The following PPARGC1A variants were observed in gnomAD, a reference collection of about 807,000 sequenced individuals.
PPARGC1A encodes the protein peroxisome proliferator-activated receptor gamma coactivator 1-alpha.
A neutral mutation model predicts 88.7 loss-of-function variants in PPARGC1A; 25 were observed. The ratio of observed to expected loss-of-function variants is 0.28; its 90% confidence interval spans 0.21 to 0.39. PPARGC1A has a LOEUF of 0.39. Among genes scored for constraint, PPARGC1A ranks in the 10% least tolerant of loss-of-function variants. The pLI, the probability that PPARGC1A is intolerant of heterozygous loss-of-function variation, is 1.00. For missense variants in PPARGC1A, 880 were observed against 968.7 expected (o/e 0.91, Z 1.22); for synonymous variants, 363 against 355.6 (o/e 1.02, Z -0.24).
the PPARGC1A span, among the ~76,000 whole-genome samples, chr4:24,107,645 A>G: frequency 6.6e-6 from 1 of 152,244 alleles, no homozygotes; most frequent in East Asian, 1.9e-4. Flanking sequence ...GTCAGTCACA[A>G]AATTTAAGGT....
the PPARGC1A span, among the ~76,000 whole-genome samples, chr4:24,261,886 A>G: frequency 6.6e-6 from 1 of 152,224 alleles, no homozygotes; most frequent in African/African-American, 2.4e-5. Context: ...CTCTGAATAC[A>G]ATCAGATACA....
chr4:24,389,481 G>T, the PPARGC1A span, among the ~76,000 whole-genome samples: 95 of 152,218 alleles, frequency 6.2e-4, 1 homozygote, highest in African/African-American at 2.3e-3. Flanking sequence ...TTGCAACATG[G>T]ATATAACAGT....
At chr4:24,433,241 A>G in the PPARGC1A span, among the ~76,000 whole-genome samples, 1 of 152,192 alleles carries the variant, frequency 6.6e-6, no homozygotes, top group African/African-American at 2.4e-5. Flanking sequence ...GTCTTAGTCT[A>G]TAGCAACATT....
the PPARGC1A span, among the ~76,000 whole-genome samples, chr4:24,111,561 AAATTGAT>A: frequency 6.6e-6 from 1 of 152,194 alleles, no homozygotes. Context: ...ACATTAAATT[AAATTGAT>A]ATTTAAATGT....
the PPARGC1A span, among the ~76,000 whole-genome samples, chr4:24,114,921 C>CT: frequency 0.18 from 26,908 of 152,076 alleles, 2,707 homozygotes; most frequent in East Asian, 0.4. Flanking sequence ...GGATTAATTA[C>CT]CTTTTCTTCT....
At chr4:24,165,307 T>C in the PPARGC1A span, among the ~76,000 whole-genome samples, 8 of 152,166 alleles carry the variant, frequency 5.3e-5, no homozygotes, top group African/African-American at 1.9e-4. Context: ...GCACACTATA[T>C]GCAAAAATAT....
chr4:23,843,360 A>G (rs1727409184), intron 2 of PPARGC1A, among the ~76,000 whole-genome samples: 1 of 152,098 alleles, frequency 6.6e-6, no homozygotes, highest in Non-Finnish European at 1.5e-5. Flanking sequence ...TCCTGAGTAC[A>G]TCACTTACAA....
At chr4:24,112,188 T>C in the PPARGC1A span, among the ~76,000 whole-genome samples, 2 of 152,268 alleles carry the variant, frequency 1.3e-5, no homozygotes, top group African/African-American at 2.4e-5. Flanking sequence ...AGCCAAGGAA[T>C]ATAAATGACT....
At chr4:24,392,263 G>C in the PPARGC1A span, among the ~76,000 whole-genome samples, 1 of 152,094 alleles carries the variant, frequency 6.6e-6, no homozygotes, top group African/African-American at 2.4e-5. Flanking sequence ...AAAAAATAAA[G>C]ATTCTCACTT....
intron 10 of PPARGC1A, among the ~76,000 whole-genome samples, chr4:23,803,692 A>T (rs11935499): frequency 6.6e-6 from 1 of 152,168 alleles, no homozygotes; most frequent in African/African-American, 2.4e-5. Flanking sequence ...ACTAGTTTGT[A>T]TGTATACTAA....
the PPARGC1A span, among the ~76,000 whole-genome samples, chr4:24,168,321 C>G: frequency 1.3e-5 from 2 of 152,126 alleles, no homozygotes; most frequent in African/African-American, 4.8e-5. Flanking sequence ...TTTAGATGAA[C>G]AAGGGTGGGC....
At chr4:24,214,184 C>T in the PPARGC1A span, among the ~76,000 whole-genome samples, 2 of 152,192 alleles carry the variant, frequency 1.3e-5, no homozygotes, top group African/African-American at 4.8e-5. Flanking sequence ...TGCTACATGG[C>T]AGCTCCTCAG....
At chr4:24,300,322 G>T in the PPARGC1A span, among the ~76,000 whole-genome samples, 2 of 53,752 alleles carry the variant, frequency 3.7e-5, no homozygotes, top group South Asian at 7.5e-4. Context: ...CTATACAATA[G>T]CATTTTTTTT....
At chr4:24,310,682 G>C in the PPARGC1A span, among the ~76,000 whole-genome samples, 2 of 152,074 alleles carry the variant, frequency 1.3e-5, no homozygotes, top group Non-Finnish European at 2.9e-5. Flanking sequence ...CTAAAACTGA[G>C]TTCAACTGAG....
At chr4:23,879,181 T>C (rs1429193204) in intron 2 of PPARGC1A, among the ~76,000 whole-genome samples, 2 of 152,244 alleles carry the variant, frequency 1.3e-5, no homozygotes, top group Non-Finnish European at 2.9e-5. Flanking sequence ...AGGTTGTATA[T>C]ACATGCATTC....
At chr4:24,256,309 A>T in the PPARGC1A span, among the ~76,000 whole-genome samples, 1 of 152,170 alleles carries the variant, frequency 6.6e-6, no homozygotes, top group Non-Finnish European at 1.5e-5. Flanking sequence ...AAAGATCCAG[A>T]TCGGCAGGAG....
chr4:23,799,028 T>C (rs1718156073), intron 12 of PPARGC1A, among the ~76,000 whole-genome samples: 1 of 152,170 alleles, frequency 6.6e-6, no homozygotes, highest in Non-Finnish European at 1.5e-5. Flanking sequence ...GTTAAATCTA[T>C]CTAGAATGAT....
At chr4:23,865,236 C>A (rs1711668844) in intron 2 of PPARGC1A, among the ~76,000 whole-genome samples, 1 of 152,128 alleles carries the variant, frequency 6.6e-6, no homozygotes, top group Non-Finnish European at 1.5e-5. Flanking sequence ...TGGACCACCT[C>A]AGTCAAGCAA....
the PPARGC1A span, among the ~76,000 whole-genome samples, chr4:23,913,242 T>TTATATATATATATA: frequency 2.1e-5 from 2 of 94,634 alleles, no homozygotes; most frequent in African/African-American, 8.5e-5. Context: ...ATTATATATT[T>TTATATATATATATA]TATATATATA....
Sources: gnomAD v4.1 joint callset for allele counts (sites outside exome capture counted in the v4.1 genomes callset) on GRCh38, gnomAD v4.1.1 for gene constraint, MANE v1.5 for transcripts, NCBI Gene and HGNC (gene_info 2026-07-23, HGNC 2026-07-21) for gene names.